PTGS2: variants seen among roughly 807,000 people sequenced by gnomAD.
PTGS2 encodes prostaglandin G/H synthase 2.
Under a neutral mutation model 63.8 loss-of-function variants are expected in PTGS2, and 14 were observed. The observed-to-expected ratio is 0.22, with a 90% CI of 0.14 to 0.34. The LOEUF (loss-of-function observed/expected upper bound fraction) is 0.34, where lower values mean the gene tolerates loss of function less well. Ranked by LOEUF, PTGS2 falls within the 10% of genes least tolerant of loss-of-function variation. The pLI is 1.00. For missense variants in PTGS2, 533 were observed against 738.5 expected, an observed-to-expected ratio of 0.72 and a Z score of 3.23; for synonymous variants, 271 against 259.5, an observed-to-expected ratio of 1.04 and a Z score of -0.43.
rs1488905983 is a variant in PTGS2 at position 186,673,727 on chromosome 1, T to G, written c.*626A>C. The stretch of plus-strand genomic sequence containing the variant: ...AGATTTAAATCCAAGACAGCTTCTT[T>G]TTGGTATATGTACAAGTTTAATAAC... On this transcript the variant is annotated 3_prime_UTR_variant, in exon 10 of 10. Coordinates refer to ENST00000367468, the MANE Select transcript of PTGS2 (RefSeq NM_000963.4). 2 of 152,220 alleles carry G rather than the reference T, an allele frequency of 1.3e-5. No individual in the cohort carries two copies. Among genetic ancestry groups the G allele is most frequent in the Non-Finnish European group, 2.9e-5 (2 of 68,030 alleles). The allele number at this position is 152,220 out of a possible 1,614,324, so 9.4% of individuals were successfully genotyped here.
At position 186,677,707 on chromosome 1, in the gene PTGS2, T is replaced by G; in HGVS notation, c.581A>C (p.Gln194Pro). The G allele has an allele frequency of 6.2e-7, 1 of 1,613,976 alleles. No individual in the cohort carries two copies. Among genetic ancestry groups the G allele is most frequent in the Non-Finnish European group, 8.5e-7 (1 of 1,179,966 alleles). The change falls in exon 5 of 10, where the codon CAG becomes CCG. Residue 194 changes from glutamine (Q) to proline (P), a missense_variant. Gln to Pro is a moderately conservative substitution (Grantham distance 76, BLOSUM62 -1). Around this residue, in one of 5 missense-constraint regions of PTGS2, gnomAD observed 118 missense variants for 138.7 expected, o/e 0.85. Coordinates refer to ENST00000367468, the MANE Select transcript of PTGS2 (RefSeq NM_000963.4). The part of the protein sequence containing the change: ...FAFFAQHFTH[Q>P]FFKTDHKRGP... ...TCGCTTATGATCTGTCTTGAAAAAC[T>G]GATGCGTGAAGTGCTGGGCAAAGAA...
rs1448238237 is a variant in PTGS2 at position 186,677,827 on chromosome 1, T to C, written c.461A>G (p.Lys154Arg). The C allele has an allele frequency of 2.5e-6, 4 of 1,612,978 alleles. No individual in the cohort carries two copies. The highest frequency in any genetic ancestry group is 2.2e-5 in the South Asian group (2 of 90,902). ...CTCATTTGAATCAGGAAGCTGCTTT[T>C]TACCTGAAAAATGAGAAAGCTAAGG... ...DCPTPLGVKG[K>R]KQLPDSNEIV... is the part of the protein sequence containing the mutation. Residue 154 changes from lysine (K) to arginine (R), a missense_variant, in exon 5 of 10, where the codon AAA becomes AGA. Lys to Arg is a conservative substitution (Grantham distance 26). Coordinates refer to ENST00000367468, the MANE Select transcript of PTGS2 (RefSeq NM_000963.4).
rs1292099548 is a variant in PTGS2 at position 186,672,393 on chromosome 1, C to G, written c.*1960G>C. ...AGGACAAACATTCAACCTTAAATATCTCAATATGCCAATCAGATTTCTAAA... is the reference window on the plus strand; with the variant it reads ...AGGACAAACATTCAACCTTAAATATGTCAATATGCCAATCAGATTTCTAAA... On this transcript the variant is annotated 3_prime_UTR_variant, in exon 10 of 10. Coordinates refer to ENST00000367468, the MANE Select transcript of PTGS2 (RefSeq NM_000963.4). The G allele has an allele frequency of 6.6e-6, 1 of 152,194 alleles. No homozygotes were observed. Among genetic ancestry groups the G allele is most frequent in the Non-Finnish European group, 1.5e-5 (1 of 67,976 alleles). 9.4% of individuals were successfully genotyped at this position (152,194 alleles called of 1,614,324 possible). A position where few individuals can be genotyped will look rare whatever the true frequency, so the allele number is the denominator to read the frequency against.
chr1:186,679,022 GA>G, intron 3 of PTGS2, 35 bp downstream of exon 3: 1 of 1,587,582 alleles, frequency 6.3e-7, no homozygotes, highest in East Asian at 2.2e-5. Context: ...TTTTCTTTGA[GA>G]AGGCTAAAAA....
rs1474251886 is a variant in PTGS2, at chr1:186,675,229, GT to G, written c.1405+19del. On this transcript the variant is annotated intron_variant, in intron 9 of 9. Transcript: ENST00000367468. ...AAACAAACAAACAAAAAACGAAGAA[GT>G]TTAGAAACTGTTTCTTACCTGTAAG... 3 of 1,602,704 alleles carry G rather than the reference GT, an allele frequency of 1.9e-6. No homozygotes were observed. The highest frequency in any genetic ancestry group is 2.5e-6 in the Non-Finnish European group (3 of 1,177,514).
At chr1:186,675,728 T>C in intron 8 of PTGS2, 170 bp downstream of exon 8, 2 of 783,642 alleles carry the variant, frequency 2.6e-6, no homozygotes, top group Non-Finnish European at 3.9e-6. Flanking sequence ...TAGACTAGAC[T>C]AAAAGTTTAG....
Position 186,674,396 on chromosome 1 carries a change from A to G in PTGS2, c.1772T>C (p.Ile591Thr), listed in dbSNP as rs754301528. 5 of 1,613,912 alleles carry G rather than the reference A, an allele frequency of 3.1e-6. No individual in the cohort carries two copies. Among genetic ancestry groups the G allele is most frequent in the Non-Finnish European group, 4.2e-6 (5 of 1,179,792 alleles). The change falls in exon 10 of 10, where the codon ATC (isoleucine) becomes ACC (threonine). Residue 591 changes from isoleucine (I) to threonine (T), a missense_variant. Coordinates refer to ENST00000367468, the MANE Select transcript of PTGS2 (RefSeq NM_000963.4). ...ASSSRSGLDD[I>T]NPTVLLKERS... The stretch of plus-strand genomic sequence containing the variant: ...TTCTTTTAGTAGTACTGTGGGATTG[A>G]TATCATCTAGTCCGGAGCGGGAAGA...
Position 186,679,413 on chromosome 1 carries a change from A to G in PTGS2, c.78T>C (p.Cys26=). 1 of 1,614,162 alleles carries G rather than the reference A, an allele frequency of 6.2e-7. No individual in the cohort carries two copies. The highest frequency in any genetic ancestry group is 8.5e-7 in the Non-Finnish European group (1 of 1,180,010). ...CACTCATACATACACCTCGGTTTTG[A>G]CATGGGTGGGAACAGCAAGGATTTG... ...HTANPCCSHP[C]QNRGVCMSVG... is the part of the protein sequence containing the mutation. The change falls in exon 2 of 10, where the codon TGT becomes TGC. Residue 26 remains cysteine, a synonymous_variant. Transcript: ENST00000367468.
intron 4 of PTGS2, 50 bp downstream of exon 4, chr1:186,678,211 T>C (rs376809535): frequency 6.7e-7 from 1 of 1,486,630 alleles, no homozygotes; most frequent in African/African-American, 1.4e-5. Flanking sequence ...TTGGCAGCAA[T>C]GCAGCCCGTC....
At chr1:186,680,163 AC>A in intron 1 of PTGS2, 75 bp downstream of exon 1, 1 of 1,547,512 alleles carries the variant, frequency 6.5e-7, no homozygotes, top group Non-Finnish European at 8.7e-7. Flanking sequence ...ACTGGGATAG[AC>A]CCAGGAGGTC....
Position 186,674,528 on chromosome 1 carries a change from G to A in PTGS2, c.1640C>T (p.Thr547Ile), listed in dbSNP as rs1210271508. ...GGEVGFQIIN[T>I]ASIQSLICNN... ...GCAGATGAGAGACTGAATTGAGGCA[G>A]TGTTGATGATTTGAAAACCCACTTC... Residue 547 changes from threonine (T) to isoleucine (I), a missense_variant, in exon 10 of 10, where the codon ACT becomes ATT. Thr to Ile is a moderately conservative substitution (Grantham distance 89). Around this residue, in one of 5 missense-constraint regions of PTGS2, gnomAD observed 219 missense variants for 267.4 expected, o/e 0.82. Transcript: ENST00000367468. The A allele has an allele frequency of 6.2e-7, 1 of 1,614,074 alleles. No homozygotes were observed. The highest frequency in any genetic ancestry group is 1.3e-5 in the African/African-American group (1 of 74,924).
At chr1:186,677,614 A>C (rs191294326) in intron 5 of PTGS2, 35 bp downstream of exon 5, 12 of 1,526,118 alleles carry the variant, frequency 7.9e-6, no homozygotes, top group Non-Finnish European at 1.1e-5. Flanking sequence ...ATTTGGTATA[A>C]TTTTACTAAC....
Position 186,676,886 on chromosome 1 carries a change from G to C in PTGS2, c.670C>G (p.Leu224Val), listed in dbSNP as rs558977656. 6.2e-7 allele frequency: 1 copy of C among 1,607,672 alleles called. No homozygotes were observed. The highest frequency in any genetic ancestry group is 1.1e-5 in the South Asian group (1 of 89,394). ...VDLNHIYGETLARQRKLRLFK... is the reference protein window; with the variant it reads ...VDLNHIYGETVARQRKLRLFK... ...AGGCGCAGTTTACGCTGTCTAGCCA[G>C]AGTTTCACCGTAAATATGATTTAAG... is the stretch of plus-strand genomic sequence containing the variant. Residue 224 changes from leucine to valine, a missense_variant, in exon 6 of 10, where the codon CTG becomes GTG. Leu to Val is a conservative substitution (Grantham distance 32). Around this residue, in one of 5 missense-constraint regions of PTGS2, gnomAD observed 118 missense variants for 138.7 expected, o/e 0.85. Coordinates refer to ENST00000367468, the MANE Select transcript of PTGS2 (RefSeq NM_000963.4).
chr1:186,676,723 T>C lies in PTGS2; in HGVS notation c.724-10A>G. On this transcript the variant is annotated splice_polypyrimidine_tract_variant and intron_variant, in intron 6 of 9. Transcript: ENST00000367468. ...TCTCTCCATCAATTATCTAAAAAAATAAATAAATAAATAAACATCAGTTAA... is the reference window on the plus strand; with the variant it reads ...TCTCTCCATCAATTATCTAAAAAAACAAATAAATAAATAAACATCAGTTAA... 6.9e-7 allele frequency: 1 copy of C among 1,446,668 alleles called. No individual in the cohort carries two copies. Among genetic ancestry groups the C allele is most frequent in the Non-Finnish European group, 9.5e-7 (1 of 1,047,536 alleles). 89.6% of individuals were successfully genotyped at this position (1,446,668 alleles called of 1,614,324 possible).
chr1:186,674,320 T>A lies in PTGS2; in HGVS notation c.*33A>T, dbSNP rs772483298. ...AAATAATTAAATTAATAGACATGGT[T>A]CATATAAATAAATAAATATGATCAT... is the stretch of plus-strand genomic sequence containing the variant. On this transcript the variant is annotated 3_prime_UTR_variant, in exon 10 of 10. Coordinates refer to ENST00000367468, the MANE Select transcript of PTGS2 (RefSeq NM_000963.4). The A allele has an allele frequency of 7.5e-7, 1 of 1,332,190 alleles. No homozygotes were observed. The highest frequency in any genetic ancestry group is 1.0e-6 in the Non-Finnish European group (1 of 996,328). 82.5% of individuals were successfully genotyped at this position (1,332,190 alleles called of 1,614,324 possible).
intron 8 of PTGS2, 147 bp downstream of exon 8, chr1:186,675,751 A>C: frequency 1.1e-6 from 1 of 922,330 alleles, no homozygotes; most frequent in Non-Finnish European, 1.6e-6. Context: ...TTTTCAAACA[A>C]AGTTAGGCTT....
intron 1 of PTGS2, among the ~76,000 whole-genome samples, chr1:186,679,887 C>T (rs1665846226): frequency 6.6e-6 from 1 of 152,206 alleles, no homozygotes; most frequent in African/African-American, 2.4e-5. Context: ...ATATTTAAAA[C>T]AACTTCTTCC....
chr1:186,678,913 C>T, intron 3 of PTGS2, 145 bp downstream of exon 3: 4 of 982,664 alleles, frequency 4.1e-6, no homozygotes, highest in South Asian at 1.8e-5. Context: ...ATATTTTTGG[C>T]GATTAAGATG....
At chr1:186,678,966 T>G (rs2102007380) in intron 3 of PTGS2, 92 bp downstream of exon 3, 1 of 1,431,772 alleles carries the variant, frequency 7.0e-7, no homozygotes, top group South Asian at 1.4e-5. Flanking sequence ...TTTGATAAGC[T>G]TGGAAATATG....
Sources: allele counts gnomAD v4.1 joint callset (sites outside exome capture counted in the v4.1 genomes callset), GRCh38; gene constraint gnomAD v4.1.1; regional missense constraint gnomAD v4.1.1; transcripts MANE v1.5; gene names NCBI Gene and HGNC (gene_info 2026-07-23, HGNC 2026-07-21).